PSMD8: variants seen among roughly 807,000 people sequenced by gnomAD.
PSMD8 encodes proteasome 26S subunit, non-ATPase 8.
PSMD8 carries 30 observed loss-of-function variants against 40.0 expected under a neutral mutation model. The ratio of observed to expected loss-of-function variants is 0.75; its 90% CI spans 0.56 to 1.02. The LOEUF (loss-of-function observed/expected upper bound fraction) is 1.02, where lower values mean the gene tolerates loss of function less well. PSMD8 is among the 50% of genes least tolerant of loss of function. The pLI is 0.00. For missense variants in PSMD8, 461 were observed against 463.9 expected (o/e 0.99, Z 0.06); for synonymous variants, 208 against 192.5 (o/e 1.08, Z -0.67).
chr19:38,375,162 G>A, intron 1 of PSMD8: 6 of 914,058 alleles, frequency 6.6e-6, no homozygotes, highest in Non-Finnish European at 9.5e-6. Flanking sequence ...AGAGGGACAG[G>A]GAGCGTTGAT....
At position 38,383,495 on chromosome 19, in the gene PSMD8, G is replaced by T; in HGVS notation, c.*105G>T. The T allele has an allele frequency of 6.8e-7, 1 of 1,465,626 alleles. No individual in the cohort carries two copies. Among genetic ancestry groups the T allele is most frequent in the Admixed American group, 1.9e-5 (1 of 52,380 alleles). The allele number at this position is 1,465,626 out of a possible 1,614,324, so 90.8% of individuals were successfully genotyped here. Reference sequence around the variant, plus strand: ...CTGACATTCCCTCTTCCAGGCCCTTGTCTCCCCAGTTGGGACGGCAGAGAG... The same window carrying T: ...CTGACATTCCCTCTTCCAGGCCCTTTTCTCCCCAGTTGGGACGGCAGAGAG... On this transcript the variant is annotated 3_prime_UTR_variant, in exon 7 of 7. Transcript: ENST00000215071.
intron 2 of PSMD8, 34 bp from the exon 3 acceptor site, chr19:38,376,318 G>T (rs1319314620): frequency 1.3e-6 from 2 of 1,539,792 alleles, no homozygotes; most frequent in Non-Finnish European, 1.8e-6. Context: ...AGAGACCTCA[G>T]TCACCTCCTG....
Position 38,383,293 on chromosome 19 carries a change from C to T in PSMD8, c.956C>T (p.Ala319Val). The change falls in exon 7 of 7, where the codon GCC becomes GTC. Residue 319 changes from alanine to valine, a missense_variant. Transcript: ENST00000215071. ...GGCCCCAACAACTACTACAGTTTTG[C>T]CAGCCAGCAGCAGAAGCCGGAAGAC... ...VLGPNNYYSFASQQQKPEDTT... is the reference protein window; with the variant it reads ...VLGPNNYYSFVSQQQKPEDTT... 9 of 1,613,440 alleles carry T rather than the reference C, an allele frequency of 5.6e-6. No homozygotes were observed. The highest frequency in any genetic ancestry group is 7.6e-6 in the Non-Finnish European group (9 of 1,179,874).
rs114320165 is a variant in PSMD8 at position 38,382,360 on chromosome 19, T to C, written c.915+132T>C. ...TTCAACTGTGTGACTCTAGGCAAGCTGCCAAAGCTCTCTGACATCAGTTTC... is the reference window on the plus strand; with the variant it reads ...TTCAACTGTGTGACTCTAGGCAAGCCGCCAAAGCTCTCTGACATCAGTTTC... On this transcript the variant is annotated intron_variant, in intron 6 of 6. Coordinates refer to ENST00000215071, the MANE Select transcript of PSMD8 (RefSeq NM_002812.5). 827 of 727,946 alleles carry C rather than the reference T, an allele frequency of 1.1e-3. 3 individuals carry two copies. In the African/African-American group the frequency reaches 0.012, roughly 11 times the overall value. 45.1% of individuals were successfully genotyped at this position (727,946 alleles called of 1,614,324 possible).
chr19:38,377,536 G>T (rs141946236), intron 3 of PSMD8, among the ~76,000 whole-genome samples: 3,317 of 150,672 alleles, frequency 0.022, 50 homozygotes, highest in South Asian at 0.045. Context: ...CACTCTTGTT[G>T]CCCAGGCTGG....
At chr19:38,376,050 A>T in intron 1 of PSMD8, 110 bp from the exon 2 acceptor site, 1 of 1,098,806 alleles carries the variant, frequency 9.1e-7, no homozygotes, top group South Asian at 1.4e-5. Flanking sequence ...ATGAGTCTGG[A>T]TGATGGTTAG....
intron 3 of PSMD8, among the ~76,000 whole-genome samples, chr19:38,377,416 TC>T (rs1242062392): frequency 6.6e-6 from 1 of 152,122 alleles, no homozygotes; most frequent in Non-Finnish European, 1.5e-5. Context: ...GGTCTCGAAC[TC>T]CTGGCCACAA....
chr19:38,377,932 G>A (rs182363111), intron 3 of PSMD8, among the ~76,000 whole-genome samples: 46 of 151,914 alleles, frequency 3.0e-4, no homozygotes, highest in Middle Eastern at 3.4e-3. Context: ...GAGCCACCGC[G>A]CCCGGCCAGT....
chr19:38,377,688 G>A (rs1208298160), intron 3 of PSMD8, among the ~76,000 whole-genome samples: 4 of 152,098 alleles, frequency 2.6e-5, no homozygotes, highest in East Asian at 1.9e-4. Context: ...AGAGTGCAAC[G>A]GCTGGATCTC....
intron 5 of PSMD8, among the ~76,000 whole-genome samples, chr19:38,381,910 T>TG (rs766084411): frequency 1.3e-5 from 2 of 152,092 alleles, no homozygotes; most frequent in Non-Finnish European, 2.9e-5. Flanking sequence ...GAGATTTCAG[T>TG]GGGGATCACC....
chr19:38,379,354 C>T lies in PSMD8; in HGVS notation c.651C>T (p.Ala217=). The change falls in exon 4 of 7, where the codon GCC becomes GCT. Residue 217 remains alanine (A), a synonymous_variant. Coordinates refer to ENST00000215071, the MANE Select transcript of PSMD8 (RefSeq NM_002812.5). The part of the protein sequence containing the change: ...EFHTELERLP[A]KDIQTNVYIK... ...ACACGGAGTTGGAGCGGCTGCCTGC[C>T]AAGGACATACAGACCAATGTCTACA... is the stretch of plus-strand genomic sequence containing the variant. 10 of 1,613,964 alleles carry T rather than the reference C, an allele frequency of 6.2e-6. No individual in the cohort carries two copies. The highest frequency in any genetic ancestry group is 8.5e-6 in the Non-Finnish European group (10 of 1,179,874).
intron 1 of PSMD8, 91 bp from the exon 2 acceptor site, chr19:38,376,069 T>C (rs538754526): frequency 7.7e-7 from 1 of 1,303,022 alleles, no homozygotes; most frequent in South Asian, 1.3e-5. Flanking sequence ...AGCTCCATTT[T>C]CCAAGTGGGA....
intron 4 of PSMD8, 113 bp downstream of exon 4, chr19:38,379,518 AC>A: frequency 1.7e-6 from 2 of 1,176,030 alleles, no homozygotes; most frequent in Non-Finnish European, 2.4e-6. Context: ...CCACCCACGG[AC>A]CCATCCTCTT....
In PSMD8 at chr19:38,374,883, G is replaced by A. The variant is rs1243466503; in HGVS notation, c.282G>A (p.Met94Ile). Residue 94 changes from methionine to isoleucine, a missense_variant, in exon 1 of 7, where the codon ATG (methionine) becomes ATA (isoleucine). Transcript: ENST00000215071. ...CTGTTCTGCAGGCCGCGACCGGCAT[G>A]TACGAGCAACTCAAGGGCGAGTGGA... ...SGAVLQAATG[M>I]YEQLKGEWNR... 8 of 1,587,562 alleles carry A rather than the reference G, an allele frequency of 5.0e-6. No homozygotes were observed. The highest frequency in any genetic ancestry group is 1.7e-5 in the Admixed American group (1 of 58,510).
At chr19:38,380,707 A>AGAGAGAGTGTGT (rs1555743507) in intron 4 of PSMD8, among the ~76,000 whole-genome samples, 192 bp from the exon 5 acceptor site, 3 of 120,884 alleles carry the variant, frequency 2.5e-5, no homozygotes, top group African/African-American at 1.0e-4. Context: ...AGAGAGAGAG[A>AGAGAGAGTGTGT]GTGTGTGTGT....
chr19:38,375,896 C>A (rs1421199439), intron 1 of PSMD8, among the ~76,000 whole-genome samples: 1 of 152,186 alleles, frequency 6.6e-6, no homozygotes, highest in Non-Finnish European at 1.5e-5. Context: ...CCCACCGCCG[C>A]GTGATTCCAC....
chr19:38,376,479 T>G lies in PSMD8; in HGVS notation c.536+25T>G, dbSNP rs1000594222. ...AGTGAGAATGGGCCCTGCCCCCAACTGGGGGGGTGGTTGCATGGAAGCTCC... is the reference window on the plus strand; with the variant it reads ...AGTGAGAATGGGCCCTGCCCCCAACGGGGGGGGTGGTTGCATGGAAGCTCC... On this transcript the variant is annotated intron_variant, in intron 3 of 6. Coordinates refer to ENST00000215071, the MANE Select transcript of PSMD8 (RefSeq NM_002812.5). 3.3e-6 allele frequency: 5 copies of G among 1,520,518 alleles called. No homozygotes were observed. The African/African-American group carries it at 6.9e-5, about 21-fold the overall frequency. The allele number at this position is 1,520,518 out of a possible 1,614,324, so 94.2% of individuals were successfully genotyped here.
rs780838748 is a variant in PSMD8, at chr19:38,379,440, A to C, written c.702+35A>C. 7.5e-6 allele frequency: 12 copies of C among 1,610,076 alleles called. No homozygotes were observed. In the Admixed American group the frequency reaches 2.0e-4, roughly 27 times the overall value. Reference sequence around the variant, plus strand: ...CAAGGGGCAGGGGAGGACCTGGCCAAAGTGGGTGGTGCAGGGGTGGTCTTA... The same window carrying C: ...CAAGGGGCAGGGGAGGACCTGGCCACAGTGGGTGGTGCAGGGGTGGTCTTA... On this transcript the variant is annotated intron_variant, in intron 4 of 6. Transcript: ENST00000215071.
rs138441628 is a variant in PSMD8 at position 38,379,252 on chromosome 19, C to G, written c.549C>G (p.Pro183=). The change falls in exon 4 of 7, where the codon CCC becomes CCG. Residue 183 remains proline (P), a synonymous_variant. Coordinates refer to ENST00000215071, the MANE Select transcript of PSMD8 (RefSeq NM_002812.5). ...CYYFDYKEQL[P]ESAYMHQLLG... The stretch of plus-strand genomic sequence containing the variant: ...CCCACGTCCACAGGGAGCAGCTCCC[C>G]GAGTCAGCCTATATGCACCAGCTCT... 6.2e-7 allele frequency: 1 copy of G among 1,613,626 alleles called. No homozygotes were observed. Among genetic ancestry groups the G allele is most frequent in the East Asian group, 2.2e-5 (1 of 44,882 alleles).
Sources: gnomAD v4.1 joint callset for allele counts (sites outside exome capture counted in the v4.1 genomes callset) on GRCh38, gnomAD v4.1.1 for gene constraint, MANE v1.5 for transcripts, NCBI Gene and HGNC (gene_info 2026-07-23, HGNC 2026-07-21) for gene names.